The following RPH3A variants were observed in gnomAD, a reference collection of about 807,000 sequenced individuals.
RPH3A encodes rabphilin 3A.
A neutral mutation model predicts 102.2 loss-of-function variants in RPH3A; 48 were observed. That is an observed-to-expected ratio of 0.47 (90% CI 0.37 to 0.60). RPH3A has a LOEUF of 0.60. Ranked by LOEUF, RPH3A falls within the 20% of genes least tolerant of loss-of-function variation. The pLI is 0.00. For synonymous variants in RPH3A, 310 were observed against 324.3 expected, an observed-to-expected ratio of 0.96 and a Z score of 0.47; for missense variants, 781 against 910.1, an observed-to-expected ratio of 0.86 and a Z score of 1.83.
intron 1 of RPH3A, among the ~76,000 whole-genome samples, chr12:112,695,745 G>T (rs369030398): frequency 6.6e-6 from 1 of 152,278 alleles, no homozygotes; most frequent in Admixed American, 6.5e-5. Flanking sequence ...CACAGGGAAA[G>T]TGCTAACATA....
At chr12:112,629,097 G>T (rs1220671899) in intron 1 of RPH3A, among the ~76,000 whole-genome samples, 15 of 152,064 alleles carry the variant, frequency 9.9e-5, no homozygotes, top group Non-Finnish European at 8.8e-5. Flanking sequence ...TCTGCATCTA[G>T]CAAACCAGAA....
chr12:112,770,794 G>A (rs904541533), intron 1 of RPH3A, among the ~76,000 whole-genome samples: 1 of 152,202 alleles, frequency 6.6e-6, no homozygotes, highest in Non-Finnish European at 1.5e-5. Context: ...GAACACAATT[G>A]CATGTTTCAC....
rs191590108 is a variant in RPH3A at position 112,896,533 on chromosome 12, T to C, written c.1955-117T>C. On this transcript the variant is annotated intron_variant, in intron 21 of 21. Coordinates refer to ENST00000389385, the MANE Select transcript of RPH3A (RefSeq NM_001143854.2). Reference sequence around the variant, plus strand: ...CGTTATAACAACTCTCTATAGAGTATGGATCCCAGGTTGCTGGGGGTCACT... The same window carrying C: ...CGTTATAACAACTCTCTATAGAGTACGGATCCCAGGTTGCTGGGGGTCACT... The C allele has an allele frequency of 2.8e-5, 33 of 1,161,520 alleles. No individual in the cohort carries two copies. In the African/African-American group the frequency reaches 4.4e-4, roughly 16 times the overall value. 72.0% of individuals were successfully genotyped at this position (1,161,520 alleles called of 1,614,324 possible).
chr12:112,798,787 C>T (rs1365168336), intron 2 of RPH3A, among the ~76,000 whole-genome samples: 3 of 151,428 alleles, frequency 2.0e-5, no homozygotes, highest in Non-Finnish European at 2.9e-5. Flanking sequence ...TTTCCCACCC[C>T]TTAAATAATT....
At chr12:112,875,012 G>A (rs2042768939) in intron 10 of RPH3A, 72 bp from the exon 11 acceptor site, 2 of 1,315,056 alleles carry the variant, frequency 1.5e-6, no homozygotes, top group Non-Finnish European at 2.1e-6. Flanking sequence ...CCAGCTGAGT[G>A]GTCCCAAGCT....
intron 1 of RPH3A, among the ~76,000 whole-genome samples, chr12:112,673,971 C>T (rs140722146): frequency 2.2e-4 from 33 of 152,320 alleles, no homozygotes; most frequent in African/African-American, 7.9e-4. Context: ...GTTGTCCAGA[C>T]TGGTCTTAAA....
At chr12:112,764,735 T>C (rs1450482341) in intron 1 of RPH3A, among the ~76,000 whole-genome samples, 1 of 152,132 alleles carries the variant, frequency 6.6e-6, no homozygotes, top group African/African-American at 2.4e-5. Context: ...AGTTTCAGCT[T>C]TTACCTTATG....
intron 1 of RPH3A, among the ~76,000 whole-genome samples, chr12:112,725,112 G>T (rs1275041933): frequency 6.6e-6 from 1 of 151,864 alleles, no homozygotes; most frequent in African/African-American, 2.4e-5. Flanking sequence ...AGCCGGGCAT[G>T]GTGGCATACG....
At chr12:112,739,792 G>T (rs1195713826) in intron 1 of RPH3A, among the ~76,000 whole-genome samples, 1 of 152,170 alleles carries the variant, frequency 6.6e-6, no homozygotes, top group Non-Finnish European at 1.5e-5. Context: ...GGAGGCAATG[G>T]CATTACAGGA....
chr12:112,608,568 AG>A (rs1475087682), intron 1 of RPH3A, among the ~76,000 whole-genome samples: 1 of 152,164 alleles, frequency 6.6e-6, no homozygotes, highest in Non-Finnish European at 1.5e-5. Context: ...CTTTTAATCG[AG>A]ATGTTGTCTT....
At chr12:112,801,464 C>T (rs184772615) in intron 2 of RPH3A, among the ~76,000 whole-genome samples, 185 of 152,312 alleles carry the variant, frequency 1.2e-3, no homozygotes, top group Middle Eastern at 3.4e-3. Flanking sequence ...GGCCAACTTC[C>T]GCAGAGGGGT....
chr12:112,671,337 TG>T (rs890173054), intron 1 of RPH3A, among the ~76,000 whole-genome samples: 3 of 152,334 alleles, frequency 2.0e-5, no homozygotes, highest in African/African-American at 7.2e-5. Context: ...ACCTTCTACT[TG>T]GTTGCTTTGC....
chr12:112,712,879 T>TTC (rs1565856603), intron 1 of RPH3A, among the ~76,000 whole-genome samples: 4 of 136,846 alleles, frequency 2.9e-5, no homozygotes, highest in African/African-American at 1.3e-4. Context: ...CTCACTTTTT[T>TTC]TTCTTCTTCT....
intron 1 of RPH3A, among the ~76,000 whole-genome samples, chr12:112,707,728 G>T (rs185355643): frequency 6.6e-6 from 1 of 152,330 alleles, no homozygotes; most frequent in East Asian, 1.9e-4. Context: ...AGCAGGGAGA[G>T]ATTTTATATT....
chr12:112,811,503 C>T (rs926882093), intron 2 of RPH3A, among the ~76,000 whole-genome samples: 5 of 149,390 alleles, frequency 3.3e-5, no homozygotes, highest in Non-Finnish European at 5.9e-5. Context: ...TGCAAAAATG[C>T]AAAAAAAGTG....
intron 1 of RPH3A, among the ~76,000 whole-genome samples, chr12:112,715,384 T>A (rs1412671567): frequency 6.6e-6 from 1 of 152,140 alleles, no homozygotes; most frequent in East Asian, 1.9e-4. Flanking sequence ...TGATAACTTC[T>A]TATTGATTTG....
intron 1 of RPH3A, among the ~76,000 whole-genome samples, chr12:112,669,536 C>T (rs959563130): frequency 6.6e-6 from 1 of 152,212 alleles, no homozygotes; most frequent in South Asian, 2.1e-4. Flanking sequence ...AATTAACCCA[C>T]ATCGCAAGGA....
chr12:112,858,076 G>C (rs868329550), intron 5 of RPH3A, among the ~76,000 whole-genome samples: 1 of 151,840 alleles, frequency 6.6e-6, no homozygotes, highest in Non-Finnish European at 1.5e-5. Context: ...AATTCAAGAC[G>C]AGCCTGAGCA....
intron 1 of RPH3A, among the ~76,000 whole-genome samples, chr12:112,658,539 T>C (rs1411337827): frequency 6.6e-6 from 1 of 152,166 alleles, no homozygotes; most frequent in Non-Finnish European, 1.5e-5. Flanking sequence ...TGCAGGGCAT[T>C]AAGGACAAAG....
Sources: allele counts gnomAD v4.1 joint callset (sites outside exome capture counted in the v4.1 genomes callset), GRCh38; gene constraint gnomAD v4.1.1; transcripts MANE v1.5; gene names NCBI Gene and HGNC (gene_info 2026-07-23, HGNC 2026-07-21).